Variants in CLEC2A observed in about 807,000 individuals in gnomAD.
CLEC2A encodes C-type lectin domain family 2 member A.
CLEC2A carries 19 observed loss-of-function variants against 18.6 expected under a neutral mutation model. The observed-to-expected ratio is 1.02, with a 90% CI of 0.71 to 1.50. CLEC2A has a LOEUF of 1.50. Among genes scored for constraint, CLEC2A ranks in the 40% most tolerant of loss-of-function variants. CLEC2A has a pLI of 0.00. For missense variants in CLEC2A, 190 were observed against 207.9 expected, an observed-to-expected ratio of 0.91 and a Z score of 0.53; for synonymous variants, 74 against 64.0, an observed-to-expected ratio of 1.16 and a Z score of -0.75.
downstream of CLEC2A, among the ~76,000 whole-genome samples, chr12:9,908,965 G>A (rs146545538): frequency 4.6e-5 from 7 of 152,140 alleles, no homozygotes; most frequent in South Asian, 2.1e-4. Context: ...GCTTTTCTTC[G>A]TATCTTCTCA....
intron 3 of CLEC2A, among the ~76,000 whole-genome samples, chr12:9,917,639 G>A (rs542576438): frequency 5.6e-4 from 85 of 152,168 alleles, no homozygotes; most frequent in Admixed American, 1.8e-3. Context: ...AAACACCACC[G>A]CAACCATTGT....
chr12:9,902,002 C>T lies in CLEC2A; in HGVS notation c.411-3026G>A, dbSNP rs112716082. On this transcript the variant is annotated intron_variant, in intron 4 of 4. Transcript: ENST00000339766. Reference sequence around the variant, plus strand: ...CAATTCTTCCACCACTTCCTTGAACCTTCAGCTTTTTCCTATTTTATCTCA... The same window carrying T: ...CAATTCTTCCACCACTTCCTTGAACTTTCAGCTTTTTCCTATTTTATCTCA... Among the ~76,000 whole-genome samples, 1,254 of 152,278 alleles carry T rather than the reference C, an allele frequency of 8.2e-3. 15 individuals are homozygous for T. The highest frequency in any genetic ancestry group is 0.029 in the African/African-American group (1,203 of 41,554).
the CLEC2A span, chr12:9,888,807 C>T: frequency 1.4e-6 from 2 of 1,397,370 alleles, no homozygotes; most frequent in Admixed American, 4.0e-5. Context: ...TTGTTATGTG[C>T]TACTCTTAGG....
chr12:9,908,040 G>A (rs551183105), intron 4 of CLEC2A, among the ~76,000 whole-genome samples: 14 of 152,258 alleles, frequency 9.2e-5, no homozygotes, highest in African/African-American at 3.4e-4. Context: ...CAGTATTGGG[G>A]TGTTAAAAGA....
At chr12:9,925,142 A>C (rs1422767969) in intron 2 of CLEC2A, among the ~76,000 whole-genome samples, 1 of 152,216 alleles carries the variant, frequency 6.6e-6, no homozygotes, top group East Asian at 1.9e-4. Context: ...TTAGGCTTTC[A>C]TAAGGAAGAC....
At chr12:9,924,371 G>T (rs1172486533) in intron 2 of CLEC2A, among the ~76,000 whole-genome samples, 1 of 152,018 alleles carries the variant, frequency 6.6e-6, no homozygotes, top group African/African-American at 2.4e-5. Flanking sequence ...ATAACATTAA[G>T]CTCTAAGACT....
intron 1 of CLEC2A, among the ~76,000 whole-genome samples, chr12:9,928,446 C>G (rs1863314632): frequency 6.6e-6 from 1 of 151,896 alleles, no homozygotes; most frequent in African/African-American, 2.4e-5. Flanking sequence ...GCCTGGGTGA[C>G]AGAGTGAGGC....
intron 4 of CLEC2A, among the ~76,000 whole-genome samples, chr12:9,907,543 C>G (rs112903828): frequency 1.5e-3 from 231 of 152,230 alleles, no homozygotes; most frequent in African/African-American, 5.4e-3. Context: ...TGTAACTTCA[C>G]GTTCTACAAA....
At chr12:9,895,824 T>C (rs760055724), downstream of CLEC2A, 17 of 1,532,030 alleles carry the variant, frequency 1.1e-5, no homozygotes, top group Non-Finnish European at 1.3e-5. Context: ...ATGGAACCAG[T>C]GGTGTGTAAA....
chr12:9,932,355 A>G lies in CLEC2A; in HGVS notation c.-26T>C. On this transcript the variant is annotated 5_prime_UTR_variant, in exon 1 of 5. Transcript: ENST00000455827. ...GGCAAGGCGCTAACCGATGGAGATC[A>G]GTAGGAGAGGACTAGAAAGCTTTTC... is the stretch of plus-strand genomic sequence containing the variant. 6.4e-7 allele frequency: 1 copy of G among 1,551,550 alleles called. No homozygotes were observed. Among genetic ancestry groups the G allele is most frequent in the African/African-American group, 1.4e-5 (1 of 73,162 alleles).
intron 1 of CLEC2A, among the ~76,000 whole-genome samples, chr12:9,927,628 G>A (rs1262927668): frequency 6.6e-6 from 1 of 152,080 alleles, no homozygotes; most frequent in Non-Finnish European, 1.5e-5. Context: ...ACTTAAAGCA[G>A]CCTTAGTGAA....
downstream of CLEC2A, among the ~76,000 whole-genome samples, chr12:9,896,435 C>A (rs1862756206): frequency 6.6e-6 from 1 of 150,964 alleles, no homozygotes; most frequent in Non-Finnish European, 1.5e-5. Flanking sequence ...AAAATAAAGT[C>A]ATGTGGCCAA....
the CLEC2A span, among the ~76,000 whole-genome samples, chr12:9,881,872 G>A: frequency 3.1e-4 from 47 of 152,164 alleles, no homozygotes; most frequent in South Asian, 3.9e-3. Context: ...AGAGAAATGC[G>A]AATATGACGA....
At chr12:9,895,944 T>A (rs980105530), downstream of CLEC2A, 1 of 1,022,406 alleles carries the variant, frequency 9.8e-7, no homozygotes, top group Non-Finnish European at 1.3e-6. Context: ...ACAGACATCA[T>A]CTAAATAGGA....
chr12:9,904,746 C>T (rs1862883133), intron 4 of CLEC2A, among the ~76,000 whole-genome samples: 1 of 152,140 alleles, frequency 6.6e-6, no homozygotes, highest in African/African-American at 2.4e-5. Context: ...TGGAGATTAT[C>T]TATAATTAGC....
downstream of CLEC2A, among the ~76,000 whole-genome samples, chr12:9,894,030 C>T (rs1359459710): frequency 6.6e-6 from 1 of 151,794 alleles, no homozygotes; most frequent in Non-Finnish European, 1.5e-5. Context: ...TTCTTTTCTT[C>T]TCTTTCTTTT....
At position 9,919,532 on chromosome 12, in the gene CLEC2A, A is replaced by G. The variant is rs111954120; in HGVS notation, c.306+2534T>C. 3.9e-3 allele frequency among the ~76,000 whole-genome samples: 595 copies of G among 152,292 alleles called. 6 individuals are homozygous for G. Among genetic ancestry groups the G allele is most frequent in the African/African-American group, 0.013 (556 of 41,556 alleles). ...TTCCAGTGCAGAGGCAGTGGCAGAGAGGTTTCCTGTTGCCCCTGGAGGCTC... is the reference window on the plus strand; with the variant it reads ...TTCCAGTGCAGAGGCAGTGGCAGAGGGGTTTCCTGTTGCCCCTGGAGGCTC... On this transcript the variant is annotated intron_variant, in intron 3 of 4. Coordinates refer to ENST00000455827, the MANE Select transcript of CLEC2A (RefSeq NM_001130711.2).
the CLEC2A span, among the ~76,000 whole-genome samples, chr12:9,881,323 C>T: frequency 6.6e-6 from 1 of 152,106 alleles, no homozygotes; most frequent in African/African-American, 2.4e-5. Flanking sequence ...ACACACAAGT[C>T]CATTTGTTGA....
At chr12:9,888,473 G>A in the CLEC2A span, among the ~76,000 whole-genome samples, 3 of 151,526 alleles carry the variant, frequency 2.0e-5, no homozygotes, top group African/African-American at 7.3e-5. Flanking sequence ...CTGGGCAACA[G>A]AGTGAGACTC....
Sources: gnomAD v4.1 joint callset for allele counts (sites outside exome capture counted in the v4.1 genomes callset) on GRCh38, gnomAD v4.1.1 for gene constraint, MANE v1.5 for transcripts, NCBI Gene and HGNC (gene_info 2026-07-23, HGNC 2026-07-21) for gene names.